FLT4: variants seen among roughly 807,000 people sequenced by gnomAD.
FLT4 encodes fms related receptor tyrosine kinase 4.
Under a neutral mutation model 163.2 loss-of-function variants are expected in FLT4, and 30 were observed. That is an observed-to-expected ratio of 0.18 (90% confidence interval 0.14 to 0.25). FLT4 has a LOEUF of 0.25. Ranked by LOEUF, FLT4 falls within the 10% of genes least tolerant of loss-of-function variation. The pLI, the probability that FLT4 is intolerant of heterozygous loss-of-function variation, is 1.00. For missense variants in FLT4, 1,510 were observed against 1,863.8 expected (o/e 0.81, Z 3.50); for synonymous variants, 884 against 789.5 (o/e 1.12, Z -2.01).
chr5:180,633,083 G>A (rs1288893988), intron 1 of FLT4, among the ~76,000 whole-genome samples: 2 of 152,160 alleles, frequency 1.3e-5, no homozygotes, highest in Admixed American at 6.5e-5. Flanking sequence ...AAGCTAACGG[G>A]GGTGGGGTGG....
intron 26 of FLT4, chr5:180,611,836 C>A (rs1385946296): frequency 2.6e-6 from 1 of 379,618 alleles, no homozygotes; most frequent in East Asian, 5.8e-5. Flanking sequence ...TCCCAACAGC[C>A]CTTCCAGGTA....
At chr5:180,648,577 G>A (rs948849124) in intron 1 of FLT4, among the ~76,000 whole-genome samples, 1 of 152,078 alleles carries the variant, frequency 6.6e-6, no homozygotes, top group African/African-American at 2.4e-5. Context: ...GATTTCCAGG[G>A]ACACCAGCTC....
chr5:180,631,419 GC>G lies in FLT4; in HGVS notation c.155+262del, dbSNP rs376501837. Among the ~76,000 whole-genome samples, 479 of 152,156 alleles carry G rather than the reference GC, an allele frequency of 3.1e-3. 1 individual carries two copies. The highest frequency in any genetic ancestry group is 0.011 in the African/African-American group (456 of 41,518). ...ACCCGGGAGGCAGAGCTTGCAGTGA[GC>G]CGAGATCGCACCACTGCACTCCAGC... On this transcript the variant is annotated intron_variant, in intron 2 of 29. Coordinates refer to ENST00000261937, the MANE Select transcript of FLT4 (RefSeq NM_182925.5).
chr5:180,646,894 A>T (rs997383911), intron 1 of FLT4, among the ~76,000 whole-genome samples: 1 of 151,882 alleles, frequency 6.6e-6, no homozygotes, highest in African/African-American at 2.4e-5. Flanking sequence ...AGGGCTCAGG[A>T]CTCCTTCAGC....
In FLT4 at chr5:180,626,288, G is replaced by A. The variant is rs773719121; in HGVS notation, c.1104-23C>T. The A allele has an allele frequency of 8.7e-6, 14 of 1,609,306 alleles. No individual in the cohort carries two copies. In the Admixed American group the frequency reaches 2.3e-4, roughly 27 times the overall value. On this transcript the variant is annotated intron_variant, in intron 8 of 29. Coordinates refer to ENST00000261937, the MANE Select transcript of FLT4 (RefSeq NM_182925.5). ...TACCTGGCCAGGGAAGGGAGGTCAGGGCCCATACAGATCCCACCACAGCCC... is the reference window on the plus strand; with the variant it reads ...TACCTGGCCAGGGAAGGGAGGTCAGAGCCCATACAGATCCCACCACAGCCC...
rs557704134 is a variant in FLT4, at chr5:180,601,767, C to T, written c.*1425G>A. Reference sequence around the variant, plus strand: ...ACGTGCAGAGGAAGGGGGAGGTCCACGGGGACGACGAAGATGACCTTATAC... The same window carrying T: ...ACGTGCAGAGGAAGGGGGAGGTCCATGGGGACGACGAAGATGACCTTATAC... On this transcript the variant is annotated 3_prime_UTR_variant, in exon 30 of 30. Coordinates refer to ENST00000261937, the MANE Select transcript of FLT4 (RefSeq NM_182925.5). The T allele has an allele frequency of 1.8e-5, 4 of 227,104 alleles. No homozygotes were observed. The highest frequency in any genetic ancestry group is 3.5e-5 in the Non-Finnish European group (4 of 114,330). 14.1% of individuals were successfully genotyped at this position (227,104 alleles called of 1,614,324 possible). A position where few individuals can be genotyped will look rare whatever the true frequency, so the allele number is the denominator to read the frequency against.
chr5:180,646,039 T>C (rs1765475065), intron 1 of FLT4, among the ~76,000 whole-genome samples: 1 of 152,038 alleles, frequency 6.6e-6, no homozygotes, highest in Non-Finnish European at 1.5e-5. Context: ...GAGAAGCACC[T>C]CCCCTTGCAG....
In FLT4 at chr5:180,609,048, G is replaced by GTGGACACTGTC. The variant is rs1761976523; in HGVS notation, c.3812_3813insGACAGTGTCCA (p.Asn1271LysfsTer21). 1 of 1,613,898 alleles carries GTGGACACTGTC rather than the reference G, an allele frequency of 6.2e-7. No individual in the cohort carries two copies. The highest frequency in any genetic ancestry group is 1.3e-5 in the African/African-American group (1 of 74,926). ...CCAGCACCATCCCACTGTCTGTCTG[G>GTGGACACTGTC]TTGTCCTGTGTGGAGAGGACAAGCC... On this transcript the variant is annotated frameshift_variant, in exon 29 of 30. Transcript: ENST00000261937. LOFTEE classifies it high-confidence loss of function.
rs1180128423 is a variant in FLT4, at chr5:180,623,177, A to C, written c.1549-338T>G. On this transcript the variant is annotated intron_variant, in intron 11 of 29. Coordinates refer to ENST00000261937, the MANE Select transcript of FLT4 (RefSeq NM_182925.5). This position sits in a 1 kb window ranked among gnomAD's most constrained non-coding sequence, Gnocchi z 5.8. The stretch of plus-strand genomic sequence containing the variant: ...GGGGGCACCAGCGTCAGTGCAAGCC[A>C]GGGTGAGAATTCAGCCTGGGTCACA... Among the ~76,000 whole-genome samples the C allele has an allele frequency of 6.6e-6, 1 of 152,198 alleles. No homozygotes were observed. The highest frequency in any genetic ancestry group is 6.5e-5 in the Admixed American group (1 of 15,280).
chr5:180,615,147 CCCCG>C (rs1443810021), intron 23 of FLT4, among the ~76,000 whole-genome samples: 2 of 145,838 alleles, frequency 1.4e-5, no homozygotes, highest in Non-Finnish European at 3.0e-5. Context: ...AGCACTGCGG[CCCCG>C]CTGGTCACCT....
intron 1 of FLT4, 28 bp downstream of exon 1, chr5:180,649,460 G>A (rs147801168): frequency 6.2e-6 from 9 of 1,447,708 alleles, no homozygotes; most frequent in Non-Finnish European, 7.3e-6. Context: ...CCCCACGCTC[G>A]GGCGGGTGGC....
intron 1 of FLT4, among the ~76,000 whole-genome samples, chr5:180,648,288 C>G (rs1765577871): frequency 6.6e-6 from 1 of 152,164 alleles, no homozygotes; most frequent in Non-Finnish European, 1.5e-5. Flanking sequence ...AGACCTGCCC[C>G]CTCTCCTGTC....
At chr5:180,628,849 T>C (rs75361132) in intron 8 of FLT4, 33 bp downstream of exon 8, 3 of 1,421,458 alleles carry the variant, frequency 2.1e-6, no homozygotes, top group Admixed American at 3.4e-5. Flanking sequence ...TGGAAGGGTA[T>C]CGGCGGGGTC....
chr5:180,628,820 T>G, intron 8 of FLT4, 62 bp downstream of exon 8: 2 of 1,163,822 alleles, frequency 1.7e-6, no homozygotes, highest in Non-Finnish European at 2.6e-6. Flanking sequence ...TCCCCTATGG[T>G]CTGTTTTGCC....
intron 10 of FLT4, among the ~76,000 whole-genome samples, chr5:180,624,305 A>G (rs11948720): frequency 0.045 from 6,766 of 150,162 alleles, 223 homozygotes; most frequent in East Asian, 0.18. Flanking sequence ...CAGCTCACCG[A>G]AACCTCCGCC....
intron 1 of FLT4, among the ~76,000 whole-genome samples, chr5:180,641,972 G>A (rs1286723631): frequency 6.6e-6 from 1 of 151,892 alleles, no homozygotes; most frequent in Non-Finnish European, 1.5e-5. Flanking sequence ...ACTTTGGGAG[G>A]CCAAGGTGGG....
Position 180,630,884 on chromosome 5 carries a change from A to T in FLT4, c.156-85T>A. The T allele has an allele frequency of 2.0e-6, 3 of 1,464,732 alleles. No individual in the cohort carries two copies. Among genetic ancestry groups the T allele is most frequent in the Non-Finnish European group, 2.7e-6 (3 of 1,101,614 alleles). 90.7% of individuals were successfully genotyped at this position (1,464,732 alleles called of 1,614,324 possible). A position where few individuals can be genotyped will look rare whatever the true frequency, so the allele number is the denominator to read the frequency against. ...AGAAGCCTCCCTCAGGCCGAGCCTCACCAGGTTTGTCTTACCCAGAGCATG... is the reference window on the plus strand; with the variant it reads ...AGAAGCCTCCCTCAGGCCGAGCCTCTCCAGGTTTGTCTTACCCAGAGCATG... On this transcript the variant is annotated intron_variant, in intron 2 of 29. Coordinates refer to ENST00000261937, the MANE Select transcript of FLT4 (RefSeq NM_182925.5). The surrounding 1 kb of genome is among the most constrained non-coding windows in gnomAD (Gnocchi z 6.3).
At chr5:180,626,966 G>A (rs1027618648) in intron 8 of FLT4, among the ~76,000 whole-genome samples, 13 of 152,252 alleles carry the variant, frequency 8.5e-5, no homozygotes, top group African/African-American at 3.1e-4. Context: ...CTGCCTTGCT[G>A]TGTCTGTTTG....
intron 29 of FLT4, among the ~76,000 whole-genome samples, chr5:180,607,487 A>G (rs1746458988): frequency 6.6e-6 from 1 of 151,324 alleles, no homozygotes; most frequent in African/African-American, 2.4e-5. Flanking sequence ...AAAAATACAA[A>G]ACAATTAGCC....
Sources: allele counts gnomAD v4.1 joint callset (sites outside exome capture counted in the v4.1 genomes callset), GRCh38; gene constraint gnomAD v4.1.1; non-coding constraint Gnocchi (gnomAD v3.1); transcripts MANE v1.5; gene names NCBI Gene and HGNC (gene_info 2026-07-23, HGNC 2026-07-21).